Variants in ZNF548 observed in about 807,000 individuals in gnomAD.
ZNF548 encodes the protein zinc finger protein 548.
Under a neutral mutation model 10.2 loss-of-function variants are expected in ZNF548, and 10 were observed. That is an observed-to-expected ratio of 0.98 (90% CI 0.60 to 1.66). ZNF548 has a LOEUF of 1.66. Among genes scored for constraint, ZNF548 ranks in the 40% most tolerant of loss-of-function variants. ZNF548 has a pLI of 0.00. For synonymous variants in ZNF548, 217 were observed against 223.5 expected, an observed-to-expected ratio of 0.97 and a Z score of 0.26; for missense variants, 599 against 657.0, an observed-to-expected ratio of 0.91 and a Z score of 0.97.
At chr19:57,398,307 A>C in intron 3 of ZNF548, 123 bp from the exon 4 acceptor site, 1 of 1,524,026 alleles carries the variant, frequency 6.6e-7, no homozygotes, top group Non-Finnish European at 8.8e-7. Flanking sequence ...CACTGGCCTT[A>C]ATGTCCATGA....
At position 57,399,168 on chromosome 19, in the gene ZNF548, C is replaced by G; in HGVS notation, c.917C>G (p.Ser306Cys). ...NTCGKFFRYS[S>C]TFVRHQRVHT... is the part of the protein sequence containing the mutation. ...TGTGGGAAATTCTTTCGGTACAGCT[C>G]CACATTTGTTAGACATCAGAGAGTT... is the stretch of plus-strand genomic sequence containing the variant. The change falls in exon 4 of 4, where the codon TCC becomes TGC. Residue 306 changes from serine (S) to cysteine (C), a missense_variant. Transcript: ENST00000336128. This position sits in a 1 kb window ranked among gnomAD's most constrained non-coding sequence, Gnocchi z 4.0. The G allele has an allele frequency of 1.2e-6, 2 of 1,613,664 alleles. No homozygotes were observed. Among genetic ancestry groups the G allele is most frequent in the African/African-American group, 2.7e-5 (2 of 74,846 alleles).
rs1339666204 is a variant in ZNF548, at chr19:57,400,027, A to C, written c.*138A>C. 1.5e-6 allele frequency: 1 copy of C among 665,306 alleles called. No homozygotes were observed. The highest frequency in any genetic ancestry group is 1.8e-5 in the African/African-American group (1 of 55,092). The allele number at this position is 665,306 out of a possible 1,614,324, so 41.2% of individuals were successfully genotyped here. On this transcript the variant is annotated 3_prime_UTR_variant, in exon 4 of 4. Transcript: ENST00000336128. Reference sequence around the variant, plus strand: ...CATTCCCCTTCCCTACTTCCCCAGAAATGTCTCAACTATATTTCTATACTC... The same window carrying C: ...CATTCCCCTTCCCTACTTCCCCAGACATGTCTCAACTATATTTCTATACTC...
Position 57,392,935 on chromosome 19 carries a change from G to A in ZNF548, c.16-1253G>A, listed in dbSNP as rs138232176. 681 of 985,684 alleles carry A rather than the reference G, an allele frequency of 6.9e-4. 1 individual carries two copies. The highest frequency in any genetic ancestry group is 5.7e-3 in the Middle Eastern group (11 of 1,914). The allele number at this position is 985,684 out of a possible 1,614,324, so 61.1% of individuals were successfully genotyped here. The stretch of plus-strand genomic sequence containing the variant: ...ATTCTGGATTGCATCTGTAAAAAGG[G>A]AGGCCTGGACTGGGTAAGCATATGG... On this transcript the variant is annotated intron_variant, in intron 1 of 3. Coordinates refer to ENST00000336128, the MANE Select transcript of ZNF548 (RefSeq NM_001172773.2).
Position 57,398,658 on chromosome 19 carries a change from A to G in ZNF548, c.407A>G (p.Gln136Arg), listed in dbSNP as rs769385961. The G allele has an allele frequency of 6.2e-7, 1 of 1,614,066 alleles. No individual in the cohort carries two copies. The highest frequency in any genetic ancestry group is 1.1e-5 in the South Asian group (1 of 91,088). Residue 136 changes from glutamine to arginine, a missense_variant, in exon 4 of 4, where the codon CAG becomes CGG. Transcript: ENST00000336128. Reference sequence around the variant, plus strand: ...GCAGAGCTTTTTCAGCACCCAAAGCAGCAAATTGGAGAAAATCTTTCCAGA... The same window carrying G: ...GCAGAGCTTTTTCAGCACCCAAAGCGGCAAATTGGAGAAAATCTTTCCAGA... ...CEAELFQHPK[Q>R]QIGENLSRGD...
At position 57,402,220 on chromosome 19, in the gene ZNF548, A is replaced by G. The variant is rs2088722906; in HGVS notation, c.*2331A>G. 1 of 152,106 alleles carries G rather than the reference A, an allele frequency of 6.6e-6. No homozygotes were observed. Among genetic ancestry groups the G allele is most frequent in the African/African-American group, 2.4e-5 (1 of 41,412 alleles). 9.4% of individuals were successfully genotyped at this position (152,106 alleles called of 1,614,324 possible). A position where few individuals can be genotyped will look rare whatever the true frequency, so the allele number is the denominator to read the frequency against. On this transcript the variant is annotated 3_prime_UTR_variant, in exon 4 of 4. Transcript: ENST00000336128. ...CATTTGTCCATATATGCCATGGTTT[A>G]TATGTGGATTCTCTATTTTATTGGT...
chr19:57,396,934 T>C (rs2088669972), intron 2 of ZNF548, 114 bp from the exon 3 acceptor site: 5 of 1,422,714 alleles, frequency 3.5e-6, no homozygotes, highest in Non-Finnish European at 4.7e-6. Flanking sequence ...CACATTTGGC[T>C]GTTAGTTTGG....
chr19:57,394,996 G>A (rs1204704516), intron 2 of ZNF548, among the ~76,000 whole-genome samples: 1 of 151,988 alleles, frequency 6.6e-6, no homozygotes, highest in Non-Finnish European at 1.5e-5. Context: ...AGCCACAGAT[G>A]TCTCAGAGAC....
At chr19:57,392,090 C>T (rs552403383) in intron 1 of ZNF548, among the ~76,000 whole-genome samples, 17 of 151,180 alleles carry the variant, frequency 1.1e-4, no homozygotes, top group Admixed American at 3.9e-4. Flanking sequence ...TGAGCCACCG[C>T]GCCCAGCCCT....
Position 57,398,639 on chromosome 19 carries a change from C to CT in ZNF548, c.393dup (p.Gln132SerfsTer16), listed in dbSNP as rs867155861. 6.2e-7 allele frequency: 1 copy of CT among 1,614,014 alleles called. No homozygotes were observed. Among genetic ancestry groups the CT allele is most frequent in the Non-Finnish European group, 8.5e-7 (1 of 1,179,900 alleles). On this transcript the variant is annotated frameshift_variant, in exon 4 of 4. Transcript: ENST00000336128. LOFTEE classifies it low-confidence loss of function (END_TRUNC). ...ACACATATATATTTGTGAGGCAGAGCTTTTTCAGCACCCAAAGCAGCAAAT... is the reference window on the plus strand; with the variant it reads ...ACACATATATATTTGTGAGGCAGAGCTTTTTTCAGCACCCAAAGCAGCAAAT...
rs987362388 is a variant in ZNF548 at position 57,395,310 on chromosome 19, G to T, written c.51+1087G>T. On this transcript the variant is annotated intron_variant, in intron 2 of 3. Transcript: ENST00000336128. This position sits in a 1 kb window ranked among gnomAD's most constrained non-coding sequence, Gnocchi z 4.8. ...AGAGTGGACATGATGGGGTTGCTGA[G>T]GGGGGATAATAGGGTGAGGTCGGAG... Among the ~76,000 whole-genome samples, 1 of 152,152 alleles carries T rather than the reference G, an allele frequency of 6.6e-6. No individual in the cohort carries two copies. Among genetic ancestry groups the T allele is most frequent in the Non-Finnish European group, 1.5e-5 (1 of 68,030 alleles).
Position 57,389,962 on chromosome 19 carries a change from C to T in ZNF548, c.-138C>T, listed in dbSNP as rs528778128. 782 of 1,119,780 alleles carry T rather than the reference C, an allele frequency of 7.0e-4. No homozygotes were observed. Among genetic ancestry groups the T allele is most frequent in the Non-Finnish European group, 8.9e-4 (718 of 804,654 alleles). 69.4% of individuals were successfully genotyped at this position (1,119,780 alleles called of 1,614,324 possible). ...TCACCGAAGTGACGGAACGGAAAAG[C>T]GCGAGAAGCGGCTCGGTTCCCACCA... On this transcript the variant is annotated 5_prime_UTR_variant, in exon 1 of 4. Transcript: ENST00000336128.
intron 2 of ZNF548, among the ~76,000 whole-genome samples, chr19:57,394,565 G>A (rs888000449): frequency 6.6e-5 from 10 of 152,180 alleles, no homozygotes; most frequent in South Asian, 2.1e-4. Flanking sequence ...ACAAACATCA[G>A]GCCTGGAATG....
Position 57,397,190 on chromosome 19 carries a change from T to G in ZNF548, c.178+16T>G. 1.3e-6 allele frequency: 2 copies of G among 1,584,218 alleles called. No individual in the cohort carries two copies. Among genetic ancestry groups the G allele is most frequent in the Non-Finnish European group, 1.7e-6 (2 of 1,164,382 alleles). On this transcript the variant is annotated intron_variant, in intron 3 of 3. Transcript: ENST00000336128. ...TCCTCACTAGGTAAGGCCCTCACACTTGCCCAGTGTCCTGGGTTAGGCTGT... is the reference window on the plus strand; with the variant it reads ...TCCTCACTAGGTAAGGCCCTCACACGTGCCCAGTGTCCTGGGTTAGGCTGT...
In ZNF548 at chr19:57,398,473, A is replaced by C. The variant is rs758363268; in HGVS notation, c.222A>C (p.Gln74His). The change falls in exon 4 of 4, where the codon CAA becomes CAC. Residue 74 changes from glutamine to histidine, a missense_variant. Coordinates refer to ENST00000336128, the MANE Select transcript of ZNF548 (RefSeq NM_001172773.2). ...AGGATGAGGAGGCACCTTCACAGCAAGGTTTTTCTGTAGGAGTGTCAGAGG... is the reference window on the plus strand; with the variant it reads ...AGGATGAGGAGGCACCTTCACAGCACGGTTTTTCTGTAGGAGTGTCAGAGG... ...GAEDEEAPSQ[Q>H]GFSVGVSEVT... 2.5e-6 allele frequency: 4 copies of C among 1,614,008 alleles called. No individual in the cohort carries two copies. The highest frequency in any genetic ancestry group is 3.4e-6 in the Non-Finnish European group (4 of 1,179,986).
Position 57,399,966 on chromosome 19 carries a change from C to G in ZNF548, c.*77C>G. Reference sequence around the variant, plus strand: ...AATCTCCAGAACATTTTTCCTCTTACCAAGAAGTAAAATGCTGTACCCATT... The same window carrying G: ...AATCTCCAGAACATTTTTCCTCTTAGCAAGAAGTAAAATGCTGTACCCATT... On this transcript the variant is annotated 3_prime_UTR_variant, in exon 4 of 4. Coordinates refer to ENST00000336128, the MANE Select transcript of ZNF548 (RefSeq NM_001172773.2). The surrounding 1 kb of genome is among the most constrained non-coding windows in gnomAD (Gnocchi z 4.0). 2.4e-6 allele frequency: 3 copies of G among 1,232,956 alleles called. No individual in the cohort carries two copies. The highest frequency in any genetic ancestry group is 3.3e-6 in the Non-Finnish European group (3 of 908,212). The allele number at this position is 1,232,956 out of a possible 1,614,324, so 76.4% of individuals were successfully genotyped here.
chr19:57,399,994 C>T lies in ZNF548; in HGVS notation c.*105C>T, dbSNP rs1349369606. 3.4e-6 allele frequency: 3 copies of T among 885,196 alleles called. No homozygotes were observed. Among genetic ancestry groups the T allele is most frequent in the South Asian group, 1.9e-5 (1 of 53,686 alleles). The allele number at this position is 885,196 out of a possible 1,614,324, so 54.8% of individuals were successfully genotyped here. On this transcript the variant is annotated 3_prime_UTR_variant, in exon 4 of 4. Coordinates refer to ENST00000336128, the MANE Select transcript of ZNF548 (RefSeq NM_001172773.2). The surrounding 1 kb of genome is among the most constrained non-coding windows in gnomAD (Gnocchi z 4.0). The stretch of plus-strand genomic sequence containing the variant: ...AGAAGTAAAATGCTGTACCCATTAA[C>T]AACAACTCATTCCCCTTCCCTACTT...
At chr19:57,398,407 C>T in intron 3 of ZNF548, 23 bp from the exon 4 acceptor site, 1 of 1,606,090 alleles carries the variant, frequency 6.2e-7, no homozygotes. Context: ...ACATGCACTT[C>T]TCCAGCATTT....
chr19:57,397,159 C>A lies in ZNF548; in HGVS notation c.163C>A (p.Leu55Ile). ...TGATGTGATGCTGGAGAATTTGGCC[C>A]TTTTGTCCTCACTAGGTAAGGCCCT... ...YRDVMLENLALLSSLGSWHGA... is the reference protein window; with the variant it reads ...YRDVMLENLAILSSLGSWHGA... Residue 55 changes from leucine (L) to isoleucine (I), a missense_variant, in exon 3 of 4, where the codon CTT (leucine) becomes ATT (isoleucine). Coordinates refer to ENST00000336128, the MANE Select transcript of ZNF548 (RefSeq NM_001172773.2). 6.2e-7 allele frequency: 1 copy of A among 1,609,520 alleles called. No individual in the cohort carries two copies. The highest frequency in any genetic ancestry group is 8.5e-7 in the Non-Finnish European group (1 of 1,177,432).
rs984964440 is a variant in ZNF548 at position 57,401,417 on chromosome 19, C to T, written c.*1528C>T. The T allele has an allele frequency of 3.9e-5, 6 of 152,146 alleles. No homozygotes were observed. The highest frequency in any genetic ancestry group is 1.4e-4 in the African/African-American group (6 of 41,438). The allele number at this position is 152,146 out of a possible 1,614,324, so 9.4% of individuals were successfully genotyped here. A position where few individuals can be genotyped will look rare whatever the true frequency, so the allele number is the denominator to read the frequency against. On this transcript the variant is annotated 3_prime_UTR_variant, in exon 4 of 4. Transcript: ENST00000336128. ...TATAGTATAATAAATATTTACATAG[C>T]ATTTACATTGTATTAGAAGTTATAA...
Sources: allele counts gnomAD v4.1 joint callset (sites outside exome capture counted in the v4.1 genomes callset), GRCh38; gene constraint gnomAD v4.1.1; non-coding constraint Gnocchi (gnomAD v3.1); transcripts MANE v1.5; gene names NCBI Gene and HGNC (gene_info 2026-07-23, HGNC 2026-07-21).